The following LYPD6 variants were observed in gnomAD, a reference collection of about 807,000 sequenced individuals.
The protein encoded by LYPD6 is ly6/PLAUR domain-containing protein 6.
In LYPD6, 15 loss-of-function variants were observed where a neutral mutation model predicts 22.7. The observed-to-expected ratio is 0.66, with a 90% CI of 0.44 to 1.02. LYPD6 has a LOEUF of 1.02. Ranked by LOEUF, LYPD6 falls within the 50% of genes least tolerant of loss-of-function variation. The pLI is 0.00. For synonymous variants in LYPD6, 72 were observed against 77.5 expected (o/e 0.93, Z 0.37); for missense variants, 189 against 208.4 (o/e 0.91, Z 0.57).
the LYPD6 span, among the ~76,000 whole-genome samples, chr2:149,480,511 C>A: frequency 3.6e-5 from 4 of 112,508 alleles, no homozygotes; most frequent in African/African-American, 1.4e-4. Flanking sequence ...CCCTTGTTGC[C>A]CACTCTCATG....
At chr2:149,391,369 T>C (rs1015283434) in intron 1 of LYPD6, among the ~76,000 whole-genome samples, 18 of 151,744 alleles carry the variant, frequency 1.2e-4, no homozygotes, top group Admixed American at 3.3e-4. Context: ...CTCCCTTTTT[T>C]CCCCCCCGAT....
intron 1 of LYPD6, among the ~76,000 whole-genome samples, chr2:149,384,042 G>A (rs1206502464): frequency 6.6e-6 from 1 of 152,170 alleles, no homozygotes; most frequent in East Asian, 1.9e-4. Flanking sequence ...CTCAAGGGTA[G>A]AGGCTATCTT....
At chr2:149,422,147 AAGG>A (rs1179256553) in intron 1 of LYPD6, among the ~76,000 whole-genome samples, 2 of 152,176 alleles carry the variant, frequency 1.3e-5, no homozygotes, top group African/African-American at 4.8e-5. Flanking sequence ...AGCTGATTTT[AAGG>A]ACTATGTTAG....
intron 1 of LYPD6, among the ~76,000 whole-genome samples, chr2:149,353,533 C>A (rs767141991): frequency 6.6e-6 from 1 of 152,106 alleles, no homozygotes; most frequent in Non-Finnish European, 1.5e-5. Context: ...TTCAATCTGC[C>A]GATGCCAAAG....
At chr2:149,469,401 C>T (rs1208771624) in intron 4 of LYPD6, among the ~76,000 whole-genome samples, 2 of 152,130 alleles carry the variant, frequency 1.3e-5, no homozygotes, top group African/African-American at 4.8e-5. Context: ...AGAAAGGCAG[C>T]CTTGCCCTCT....
At chr2:149,378,592 G>C (rs1387218091) in intron 1 of LYPD6, among the ~76,000 whole-genome samples, 4 of 152,174 alleles carry the variant, frequency 2.6e-5, no homozygotes, top group Admixed American at 6.5e-5. Flanking sequence ...TTTGATGAGT[G>C]ATTATTTTCG....
chr2:149,480,627 TCCATGGGGCCAGGAC>T, the LYPD6 span, among the ~76,000 whole-genome samples: 7 of 152,230 alleles, frequency 4.6e-5, no homozygotes, highest in East Asian at 7.8e-4. Context: ...AGCTCTAAGT[TCCATGGGGCCAGGAC>T]CATTGTCTGC....
chr2:149,362,580 T>G (rs1681591759), intron 1 of LYPD6, among the ~76,000 whole-genome samples: 1 of 152,186 alleles, frequency 6.6e-6, no homozygotes, highest in Non-Finnish European at 1.5e-5. Flanking sequence ...ATAAACAATA[T>G]AAGTTTACTT....
intron 1 of LYPD6, among the ~76,000 whole-genome samples, chr2:149,407,054 A>G (rs62190589): frequency 0.026 from 3,894 of 152,204 alleles, 54 homozygotes; most frequent in Middle Eastern, 0.051. Context: ...AATGTTGAAT[A>G]TTGGCCCCCA....
At chr2:149,357,124 G>A (rs1170521505) in intron 1 of LYPD6, among the ~76,000 whole-genome samples, 1 of 152,166 alleles carries the variant, frequency 6.6e-6, no homozygotes, top group African/African-American at 2.4e-5. Flanking sequence ...CAGAGGAGTT[G>A]CAGTAGAATT....
At chr2:149,338,036 AGCATTTAGGTTGATTCCATGTATTT>A (rs536796489) in intron 1 of LYPD6, among the ~76,000 whole-genome samples, 4,977 of 152,112 alleles carry the variant, frequency 0.033, 126 homozygotes, top group Non-Finnish European at 0.049. Context: ...ACTGTTGATG[AGCATTTAGGTTGATTCCATGTATTT>A]GCATTTAGGT....
intron 1 of LYPD6, among the ~76,000 whole-genome samples, chr2:149,344,617 A>G (rs1485275780): frequency 6.6e-6 from 1 of 152,248 alleles, no homozygotes; most frequent in Non-Finnish European, 1.5e-5. Context: ...TCATCTTTAG[A>G]ATTACAAAAG....
At chr2:149,434,037 A>C (rs186062012) in intron 1 of LYPD6, among the ~76,000 whole-genome samples, 2 of 152,266 alleles carry the variant, frequency 1.3e-5, no homozygotes, top group Non-Finnish European at 2.9e-5. Context: ...TTACATAGGT[A>C]TACATGTGCC....
chr2:149,384,701 G>C (rs76184186), intron 1 of LYPD6, among the ~76,000 whole-genome samples: 4,894 of 152,038 alleles, frequency 0.032, 247 homozygotes, highest in African/African-American at 0.11. Flanking sequence ...TCCTCTCCAG[G>C]CTCTGTTTTT....
chr2:149,463,624 A>G (rs1352944484), intron 3 of LYPD6, among the ~76,000 whole-genome samples: 1 of 152,204 alleles, frequency 6.6e-6, no homozygotes, highest in Non-Finnish European at 1.5e-5. Context: ...TAAACTGGAA[A>G]CAAACCTGGA....
At chr2:149,349,162 T>G (rs1681314902) in intron 1 of LYPD6, among the ~76,000 whole-genome samples, 1 of 152,056 alleles carries the variant, frequency 6.6e-6, no homozygotes, top group African/African-American at 2.4e-5. Context: ...ATATGAATAT[T>G]AATTCAGGGG....
Position 149,448,915 on chromosome 2 carries a change from A to G in LYPD6, c.119-134A>G, listed in dbSNP as rs1683746895. 1.3e-5 allele frequency: 8 copies of G among 632,350 alleles called. No individual in the cohort carries two copies. The South Asian group carries it at 1.6e-4, about 13-fold the overall frequency. 39.2% of individuals were successfully genotyped at this position (632,350 alleles called of 1,614,324 possible). On this transcript the variant is annotated intron_variant, in intron 2 of 4. Coordinates refer to ENST00000334166, the MANE Select transcript of LYPD6 (RefSeq NM_194317.5). ...CCCAAGAGTAAAGTTGCTGGGTCAT[A>G]TGGTAGTTGAAGGTTTAAGAAACTG...
At chr2:149,438,664 A>G (rs905842862) in intron 2 of LYPD6, among the ~76,000 whole-genome samples, 1 of 152,264 alleles carries the variant, frequency 6.6e-6, no homozygotes, top group African/African-American at 2.4e-5. Flanking sequence ...GCTTGAAAGC[A>G]TAAAGGCAAA....
intron 1 of LYPD6, among the ~76,000 whole-genome samples, chr2:149,387,992 T>C (rs561734647): frequency 6.6e-6 from 1 of 152,336 alleles, no homozygotes; most frequent in East Asian, 1.9e-4. Flanking sequence ...GGGACTTACA[T>C]GTCCATATTT....
Sources: allele counts gnomAD v4.1 joint callset (sites outside exome capture counted in the v4.1 genomes callset), GRCh38; gene constraint gnomAD v4.1.1; transcripts MANE v1.5; gene names NCBI Gene and HGNC (gene_info 2026-07-23, HGNC 2026-07-21).